CTTN: variants seen among roughly 807,000 people sequenced by gnomAD.
CTTN encodes cortactin.
Under a neutral mutation model 84.0 loss-of-function variants are expected in CTTN, and 28 were observed. The observed-to-expected ratio is 0.33, with a 90% confidence interval of 0.25 to 0.46. The LOEUF is 0.46. Among genes scored for constraint, CTTN ranks in the 20% least tolerant of loss-of-function variants. The pLI, the probability that CTTN is intolerant of heterozygous loss-of-function variation, is 1.00. For synonymous variants in CTTN, 301 were observed against 288.8 expected (o/e 1.04, Z -0.43); for missense variants, 641 against 723.8 (o/e 0.89, Z 1.31).
rs763566875 is a variant in CTTN at position 70,436,261 on chromosome 11, T to C, written c.*1099T>C. 1.3e-6 allele frequency: 2 copies of C among 1,596,798 alleles called. No homozygotes were observed. The highest frequency in any genetic ancestry group is 1.7e-5 in the Admixed American group (1 of 59,874). ...CTCCAGGACACCGCTGTCCTGGCAT[T>C]TGTGGCCACTCACTTTGTAGGAAAC... On this transcript the variant is annotated 3_prime_UTR_variant, in exon 18 of 18. Coordinates refer to ENST00000301843, the MANE Select transcript of CTTN (RefSeq NM_005231.4).
intron 14 of CTTN, among the ~76,000 whole-genome samples, chr11:70,430,104 A>C (rs1161401328): frequency 6.6e-6 from 1 of 152,196 alleles, no homozygotes; most frequent in Non-Finnish European, 1.5e-5. Context: ...TAGGGTCTCA[A>C]GACCAGGGGT....
intron 7 of CTTN, 74 bp from the exon 8 acceptor site, chr11:70,416,939 T>G (rs1056606989): frequency 2.9e-6 from 3 of 1,040,610 alleles, no homozygotes; most frequent in South Asian, 1.3e-5. Flanking sequence ...CTACACACTT[T>G]TGCTTAGTTT....
rs1170092844 is a variant in CTTN, at chr11:70,412,406, GAGAGAGACGCTGTCTC to G, written c.292-2133_292-2118del. Among the ~76,000 whole-genome samples, 8 of 152,322 alleles carry G rather than the reference GAGAGAGACGCTGTCTC, an allele frequency of 5.3e-5. No homozygotes were observed. The East Asian group carries it at 1.2e-3, about 22-fold the overall frequency. Reference sequence around the variant, plus strand: ...CCATTACAGTCCAGCCTGGGCGACAGAGAGAGACGCTGTCTCAGGAAATAAATAGATTAAACTCAGA... The same window carrying G: ...CCATTACAGTCCAGCCTGGGCGACAGAGGAAATAAATAGATTAAACTCAGA... On this transcript the variant is annotated intron_variant, in intron 5 of 17. Coordinates refer to ENST00000301843, the MANE Select transcript of CTTN (RefSeq NM_005231.4).
Position 70,425,376 on chromosome 11 carries a change from C to T in CTTN, c.1002C>T (p.Tyr334=), listed in dbSNP as rs753300642. Residue 334 remains tyrosine (Y), a synonymous_variant, in exon 13 of 18, where the codon TAC becomes TAT. Transcript: ENST00000301843. ...ATGTCACCCAGGTGTCCTCTGCCTA[C>T]CAGAAGACAGTACCTGTCGAAGCTG... ...FEDVTQVSSA[Y]QKTVPVEAVT... The T allele has an allele frequency of 2.5e-6, 4 of 1,612,554 alleles. No individual in the cohort carries two copies. Among genetic ancestry groups the T allele is most frequent in the Admixed American group, 1.7e-5 (1 of 59,878 alleles).
chr11:70,420,497 T>C lies in CTTN; in HGVS notation c.777T>C (p.His259=). The change falls in exon 10 of 18, where the codon CAT becomes CAC. Residue 259 remains histidine (H), a synonymous_variant. Coordinates refer to ENST00000301843, the MANE Select transcript of CTTN (RefSeq NM_005231.4). Reference sequence around the variant, plus strand: ...ATCACCAGGAGAAATTGCAGCTGCATGAATCCCAAAAAGGTACATTCACTC... The same window carrying C: ...ATCACCAGGAGAAATTGCAGCTGCACGAATCCCAAAAAGGTACATTCACTC... ...GWDHQEKLQL[H]ESQKDYKTGF... 2 of 1,613,592 alleles carry C rather than the reference T, an allele frequency of 1.2e-6. No individual in the cohort carries two copies. The highest frequency in any genetic ancestry group is 1.1e-5 in the South Asian group (1 of 91,062).
intron 1 of CTTN, among the ~76,000 whole-genome samples, chr11:70,400,957 G>A (rs938319711): frequency 2.0e-5 from 3 of 152,212 alleles, no homozygotes; most frequent in Non-Finnish European, 4.4e-5. Context: ...GCAAGTGTCT[G>A]TTTCCTTTCT....
chr11:70,411,071 C>T (rs1049585200), intron 5 of CTTN, among the ~76,000 whole-genome samples: 5 of 152,132 alleles, frequency 3.3e-5, no homozygotes, highest in African/African-American at 1.2e-4. Flanking sequence ...GCCCTGACAC[C>T]GAGAAGAGCA....
intron 2 of CTTN, among the ~76,000 whole-genome samples, chr11:70,406,135 CA>C (rs2058038679): frequency 6.6e-6 from 1 of 152,200 alleles, no homozygotes; most frequent in Admixed American, 6.5e-5. Context: ...CAGAAGGTTC[CA>C]GGGGCACTGT....
chr11:70,429,281 G>T (rs1018500404), intron 14 of CTTN, 82 bp downstream of exon 14: 3 of 1,487,200 alleles, frequency 2.0e-6, no homozygotes, highest in Non-Finnish European at 2.8e-6. Flanking sequence ...CCTGGGCGGG[G>T]CTTATTCTCT....
intron 5 of CTTN, among the ~76,000 whole-genome samples, chr11:70,414,120 TG>T (rs1251151743): frequency 1.3e-5 from 2 of 151,280 alleles, no homozygotes; most frequent in East Asian, 3.9e-4. Flanking sequence ...CCGAGGCGGG[TG>T]GATCACAAGG....
At chr11:70,421,653 C>T (rs1451706832) in intron 11 of CTTN, 73 bp downstream of exon 11, 1 of 1,045,174 alleles carries the variant, frequency 9.6e-7, no homozygotes. Context: ...GACTTCAGGG[C>T]TCACCGTCAG....
At chr11:70,429,713 A>T (rs1214437599) in intron 14 of CTTN, among the ~76,000 whole-genome samples, 3 of 152,124 alleles carry the variant, frequency 2.0e-5, no homozygotes, top group Admixed American at 6.5e-5. Context: ...CCAGAGAAAG[A>T]TGCCAGAAGT....
At chr11:70,422,584 C>A (rs745777656) in intron 11 of CTTN, 59 of 1,311,790 alleles carry the variant, frequency 4.5e-5, no homozygotes, top group Non-Finnish European at 5.5e-5. Context: ...TGAGAATAAG[C>A]CCGTGCTGGT....
At chr11:70,408,541 G>A (rs757800987) in intron 4 of CTTN, among the ~76,000 whole-genome samples, 13 of 152,134 alleles carry the variant, frequency 8.5e-5, no homozygotes, top group African/African-American at 1.9e-4. Flanking sequence ...GGAACCATGG[G>A]CGCACACCAC....
intron 9 of CTTN, 33 bp downstream of exon 9, chr11:70,419,889 C>A: frequency 1.3e-6 from 2 of 1,543,752 alleles, no homozygotes; most frequent in South Asian, 1.1e-5. Flanking sequence ...CTCCAGCCAG[C>A]AGCTAGTAAT....
intron 11 of CTTN, 168 bp from the exon 12 acceptor site, chr11:70,422,772 G>T: frequency 6.8e-7 from 1 of 1,475,844 alleles, no homozygotes. Context: ...CACGACCATG[G>T]GTGGAAGCAA....
intron 12 of CTTN, 120 bp downstream of exon 12, chr11:70,423,115 G>A (rs1429919639): frequency 4.3e-6 from 5 of 1,160,898 alleles, no homozygotes; most frequent in Admixed American, 4.2e-5. Flanking sequence ...TTCCGTCGTG[G>A]TGGTGGTGGT....
intron 15 of CTTN, among the ~76,000 whole-genome samples, chr11:70,432,527 A>G (rs980833603): frequency 6.6e-6 from 1 of 152,230 alleles, no homozygotes; most frequent in African/African-American, 2.4e-5. Context: ...AGCAGTTCAG[A>G]ATTTTCGCTG....
intron 8 of CTTN, 115 bp from the exon 9 acceptor site, chr11:70,419,631 G>T: frequency 1.4e-6 from 1 of 737,350 alleles, no homozygotes; most frequent in Non-Finnish European, 2.3e-6. Flanking sequence ...GTATTATTCA[G>T]TGGTCCTACA....
Sources: allele counts gnomAD v4.1 joint callset (sites outside exome capture counted in the v4.1 genomes callset), GRCh38; gene constraint gnomAD v4.1.1; transcripts MANE v1.5; gene names NCBI Gene and HGNC (gene_info 2026-07-23, HGNC 2026-07-21).